Variants in PDHX observed in about 807,000 individuals in gnomAD.
PDHX encodes pyruvate dehydrogenase complex component X.
PDHX carries 33 observed loss-of-function variants against 55.3 expected under a neutral mutation model. The ratio of observed to expected loss-of-function variants is 0.60; its 90% CI spans 0.45 to 0.80. The LOEUF (loss-of-function observed/expected upper bound fraction) is 0.80, where lower values mean the gene tolerates loss of function less well. PDHX is among the 30% of genes least tolerant of loss of function. PDHX has a pLI of 0.00. For synonymous variants in PDHX, 226 were observed against 219.4 expected (o/e 1.03, Z -0.27); for missense variants, 622 against 619.9 (o/e 1.00, Z -0.04).
At chr11:34,986,516 G>A (rs1855649111) in intron 9 of PDHX, among the ~76,000 whole-genome samples, 1 of 152,036 alleles carries the variant, frequency 6.6e-6, no homozygotes, top group Admixed American at 6.6e-5. Context: ...CTATTATAAT[G>A]TTATGGAACT....
At chr11:34,953,688 T>A (rs1229207950) in intron 3 of PDHX, among the ~76,000 whole-genome samples, 2 of 152,256 alleles carry the variant, frequency 1.3e-5, no homozygotes, top group Non-Finnish European at 2.9e-5. Context: ...ATTATTGATT[T>A]GGTAGCGATT....
At chr11:34,923,789 G>A (rs1853954383) in intron 1 of PDHX, among the ~76,000 whole-genome samples, 1 of 152,194 alleles carries the variant, frequency 6.6e-6, no homozygotes, top group Admixed American at 6.5e-5. Context: ...GATAACAAGT[G>A]TTCAGTAGGC....
chr11:34,954,794 A>G lies in PDHX; in HGVS notation c.343-2590A>G, dbSNP rs189849513. ...TCAGACACTATTCTAAGGGCCTTAC[A>G]TATAACTCATTTATTCCTCATAACA... is the stretch of plus-strand genomic sequence containing the variant. On this transcript the variant is annotated intron_variant, in intron 3 of 10. Coordinates refer to ENST00000227868, the MANE Select transcript of PDHX (RefSeq NM_003477.3). Among the ~76,000 whole-genome samples the G allele has an allele frequency of 2.3e-4, 35 of 152,350 alleles. No individual in the cohort carries two copies. The East Asian group carries it at 6.2e-3, about 27-fold the overall frequency.
At chr11:34,946,426 A>G (rs895961327) in intron 2 of PDHX, among the ~76,000 whole-genome samples, 1 of 152,004 alleles carries the variant, frequency 6.6e-6, no homozygotes, top group Non-Finnish European at 1.5e-5. Flanking sequence ...ACAATTACTG[A>G]TTTTGTGGCT....
chr11:34,918,410 C>T (rs1221280675), intron 1 of PDHX, among the ~76,000 whole-genome samples: 1 of 150,726 alleles, frequency 6.6e-6, no homozygotes, highest in Non-Finnish European at 1.5e-5. Flanking sequence ...GCACTTTAGC[C>T]TGGGTGACAG....
In PDHX at chr11:34,977,981, C is replaced by T; in HGVS notation, c.965-143C>T. The T allele has an allele frequency of 3.2e-6, 2 of 631,116 alleles. 1 individual carries two copies. Among genetic ancestry groups the T allele is most frequent in the South Asian group, 3.6e-5 (2 of 55,344 alleles). 39.1% of individuals were successfully genotyped at this position (631,116 alleles called of 1,614,324 possible). ...TGCAAGTTTTTCTAATCATGGGAAC[C>T]TTATTGACTAAGCAAACAAAAGCTT... is the stretch of plus-strand genomic sequence containing the variant. On this transcript the variant is annotated intron_variant, in intron 7 of 10. Coordinates refer to ENST00000227868, the MANE Select transcript of PDHX (RefSeq NM_003477.3).
chr11:34,988,912 A>G (rs766577476), intron 9 of PDHX, among the ~76,000 whole-genome samples: 3 of 152,182 alleles, frequency 2.0e-5, no homozygotes, highest in Admixed American at 1.3e-4. Context: ...GTTATTGTTA[A>G]TCTCTTACCA....
intron 6 of PDHX, among the ~76,000 whole-genome samples, chr11:34,967,755 A>G (rs919443168): frequency 4.6e-5 from 7 of 152,210 alleles, no homozygotes; most frequent in Non-Finnish European, 7.3e-5. Flanking sequence ...ACTATATACC[A>G]TATGATATTT....
intron 6 of PDHX, among the ~76,000 whole-genome samples, chr11:34,967,067 G>A (rs552945176): frequency 2.6e-5 from 4 of 152,150 alleles, no homozygotes; most frequent in African/African-American, 9.6e-5. Flanking sequence ...GGCTAGGCTG[G>A]TCTCAAACTC....
intron 2 of PDHX, among the ~76,000 whole-genome samples, chr11:34,933,628 A>C (rs1289100222): frequency 9.9e-5 from 15 of 152,186 alleles, no homozygotes; most frequent in Admixed American, 9.8e-4. Flanking sequence ...ATCCAGTCGC[A>C]GTAAGCACCC....
At chr11:34,993,105 G>A (rs74781263) in intron 10 of PDHX, among the ~76,000 whole-genome samples, 7,169 of 152,110 alleles carry the variant, frequency 0.047, 534 homozygotes, top group African/African-American at 0.16. Flanking sequence ...CTCATCAGCC[G>A]TTTGGGTATC....
At chr11:34,932,819 T>C in intron 2 of PDHX, among the ~76,000 whole-genome samples, 1 of 152,190 alleles carries the variant, frequency 6.6e-6, no homozygotes, top group East Asian at 1.9e-4. Context: ...CTGTTTGAAA[T>C]AGCAAAAGGT....
At chr11:34,978,244 C>A in intron 8 of PDHX, 62 bp downstream of exon 8, 1 of 942,202 alleles carries the variant, frequency 1.1e-6, no homozygotes, top group Non-Finnish European at 1.7e-6. Flanking sequence ...GGAATTTTTA[C>A]AATGACAAAT....
At chr11:34,928,853 A>G (rs1407762240) in intron 1 of PDHX, among the ~76,000 whole-genome samples, 1 of 152,186 alleles carries the variant, frequency 6.6e-6, no homozygotes, top group Non-Finnish European at 1.5e-5. Flanking sequence ...GTTCTCCAGC[A>G]TTTTATAGAC....
At chr11:34,978,927 GA>G (rs1327358347) in intron 8 of PDHX, among the ~76,000 whole-genome samples, 2 of 152,128 alleles carry the variant, frequency 1.3e-5, no homozygotes, top group Admixed American at 6.6e-5. Flanking sequence ...CTTCAGAAAC[GA>G]AAAGGAGAGG....
intron 2 of PDHX, among the ~76,000 whole-genome samples, chr11:34,938,045 A>G (rs898765773): frequency 1.3e-5 from 2 of 152,278 alleles, no homozygotes; most frequent in Non-Finnish European, 1.5e-5. Context: ...GATAAACAGA[A>G]CTTCTAGTAA....
chr11:34,934,477 G>C (rs541637078), intron 2 of PDHX, among the ~76,000 whole-genome samples: 17 of 151,704 alleles, frequency 1.1e-4, no homozygotes, highest in Non-Finnish European at 2.4e-4. Flanking sequence ...TTTGAGACCA[G>C]TGCCAATGTA....
chr11:34,919,568 A>G (rs1182098468), intron 1 of PDHX, among the ~76,000 whole-genome samples: 1 of 152,230 alleles, frequency 6.6e-6, no homozygotes, highest in African/African-American at 2.4e-5. Context: ...AGTTGGCATC[A>G]TCTGCATTTA....
intron 8 of PDHX, among the ~76,000 whole-genome samples, chr11:34,978,808 C>T (rs1855439268): frequency 1.3e-5 from 2 of 152,058 alleles, no homozygotes; most frequent in South Asian, 4.1e-4. Context: ...AAGGGGAACC[C>T]AAGTACATGA....
Sources: allele counts gnomAD v4.1 joint callset (sites outside exome capture counted in the v4.1 genomes callset), GRCh38; gene constraint gnomAD v4.1.1; transcripts MANE v1.5; gene names NCBI Gene and HGNC (gene_info 2026-07-23, HGNC 2026-07-21).